STXBP3: variants seen among roughly 807,000 people sequenced by gnomAD.
STXBP3 encodes the protein syntaxin binding protein 3.
In STXBP3, 41 loss-of-function variants were observed where a neutral mutation model predicts 85.7. The ratio of observed to expected loss-of-function variants is 0.48; its 90% CI spans 0.37 to 0.62. The LOEUF (loss-of-function observed/expected upper bound fraction) is 0.62, where lower values mean the gene tolerates loss of function less well. Ranked by LOEUF, STXBP3 falls within the 20% of genes least tolerant of loss-of-function variation. The pLI is 0.00. For synonymous variants in STXBP3, 229 were observed against 231.7 expected (o/e 0.99, Z 0.10); for missense variants, 563 against 703.1 (o/e 0.80, Z 2.25).
intron 11 of STXBP3, among the ~76,000 whole-genome samples, chr1:108,783,337 A>T (rs913121547): frequency 2.0e-5 from 3 of 152,234 alleles, no homozygotes; most frequent in African/African-American, 7.2e-5. Context: ...AAATCAAGAT[A>T]CAGAACATTT....
chr1:108,772,644 A>G, intron 6 of STXBP3, 21 bp from the exon 7 acceptor site: 1 of 1,363,400 alleles, frequency 7.3e-7, no homozygotes, highest in Non-Finnish European at 9.5e-7. Context: ...ATTAACAGTG[A>G]GTTTTTTTGT....
At chr1:108,770,556 G>A (rs1411319852) in intron 6 of STXBP3, among the ~76,000 whole-genome samples, 1 of 152,150 alleles carries the variant, frequency 6.6e-6, no homozygotes, top group Non-Finnish European at 1.5e-5. Context: ...TGTTCAGGCT[G>A]CTGCTGTTGG....
intron 15 of STXBP3, 96 bp from the exon 16 acceptor site, chr1:108,798,049 T>C: frequency 1.9e-6 from 2 of 1,058,006 alleles, no homozygotes; most frequent in South Asian, 3.1e-5. Context: ...CAATATAGTA[T>C]TTACTGGTAA....
chr1:108,772,569 A>G (rs914682925), intron 6 of STXBP3, 96 bp from the exon 7 acceptor site: 2 of 401,198 alleles, frequency 5.0e-6, no homozygotes, highest in African/African-American at 2.2e-5. Flanking sequence ...ATATATATCT[A>G]TATAATATAT....
At chr1:108,779,148 G>A (rs952299288) in intron 8 of STXBP3, 138 bp from the exon 9 acceptor site, 3 of 854,960 alleles carry the variant, frequency 3.5e-6, no homozygotes, top group Non-Finnish European at 5.2e-6. Flanking sequence ...TTAACCATTT[G>A]TTTTGTTCTG....
intron 11 of STXBP3, among the ~76,000 whole-genome samples, chr1:108,784,497 A>C (rs1370556235): frequency 6.6e-6 from 1 of 152,154 alleles, no homozygotes; most frequent in Non-Finnish European, 1.5e-5. Flanking sequence ...AGTTATCTCT[A>C]CCTGGTCCTG....
chr1:108,801,682 G>T (rs1364636685), intron 17 of STXBP3, among the ~76,000 whole-genome samples: 2 of 150,558 alleles, frequency 1.3e-5, no homozygotes, highest in Non-Finnish European at 1.5e-5. Context: ...TTAAATAGAG[G>T]CAAGGCCTCT....
chr1:108,763,755 T>G (rs1013529481), intron 6 of STXBP3, among the ~76,000 whole-genome samples: 4 of 151,186 alleles, frequency 2.6e-5, no homozygotes, highest in African/African-American at 9.7e-5. Flanking sequence ...TTGTATTTTT[T>G]TTTTTTAGTA....
intron 9 of STXBP3, 169 bp downstream of exon 9, chr1:108,779,579 GA>G (rs1488826501): frequency 1.8e-5 from 12 of 680,800 alleles, no homozygotes; most frequent in African/African-American, 1.5e-4. Context: ...AGATAATGTT[GA>G]CCTTGTAAAT....
At chr1:108,775,655 C>G (rs1570760443) in intron 7 of STXBP3, among the ~76,000 whole-genome samples, 1 of 152,120 alleles carries the variant, frequency 6.6e-6, no homozygotes, top group African/African-American at 2.4e-5. Flanking sequence ...TGAGAACATG[C>G]GAAATGTTCT....
chr1:108,807,594 G>A, intron 18 of STXBP3, 45 bp downstream of exon 18: 2 of 903,024 alleles, frequency 2.2e-6, no homozygotes, highest in Admixed American at 3.9e-5. Flanking sequence ...TTTTTTTTTT[G>A]AGACTAAGTC....
At chr1:108,758,262 C>T (rs1662060981) in intron 4 of STXBP3, among the ~76,000 whole-genome samples, 1 of 139,064 alleles carries the variant, frequency 7.2e-6, no homozygotes, top group African/African-American at 2.7e-5. Flanking sequence ...ATACATATTA[C>T]CTTACTCTTT....
chr1:108,804,283 G>C (rs1663286079), intron 17 of STXBP3, among the ~76,000 whole-genome samples: 1 of 152,032 alleles, frequency 6.6e-6, no homozygotes, highest in Non-Finnish European at 1.5e-5. Context: ...CTCTTACACT[G>C]TGTCTCATCT....
chr1:108,753,169 A>G, intron 3 of STXBP3, 25 bp downstream of exon 3: 6 of 1,485,398 alleles, frequency 4.0e-6, no homozygotes, highest in Non-Finnish European at 5.4e-6. Context: ...TGGCATGAAC[A>G]CTTTTTAATT....
intron 11 of STXBP3, among the ~76,000 whole-genome samples, chr1:108,789,378 A>G (rs1662928901): frequency 6.6e-6 from 1 of 152,084 alleles, no homozygotes; most frequent in Non-Finnish European, 1.5e-5. Flanking sequence ...TATGTGGCCC[A>G]AGACAGTTCT....
At chr1:108,782,320 A>C (rs779119113) in intron 9 of STXBP3, 102 bp from the exon 10 acceptor site, 9 of 872,180 alleles carry the variant, frequency 1.0e-5, no homozygotes, top group Non-Finnish European at 1.6e-5. Flanking sequence ...TTTACTTTTC[A>C]GTTTCTTGAG....
chr1:108,786,574 C>T (rs1289740291), intron 11 of STXBP3, among the ~76,000 whole-genome samples: 2 of 152,220 alleles, frequency 1.3e-5, no homozygotes, highest in Non-Finnish European at 2.9e-5. Flanking sequence ...TGCAGTAATG[C>T]ATTTGTTGTG....
At chr1:108,790,270 A>T (rs753684392) in intron 11 of STXBP3, among the ~76,000 whole-genome samples, 1 of 152,174 alleles carries the variant, frequency 6.6e-6, no homozygotes, top group African/African-American at 2.4e-5. Flanking sequence ...TGTTAAGTTC[A>T]TTATACATTT....
intron 1 of STXBP3, 136 bp from the exon 2 acceptor site, chr1:108,752,121 G>A: frequency 1.4e-6 from 1 of 722,868 alleles, no homozygotes; most frequent in Non-Finnish European, 2.3e-6. Flanking sequence ...TTTTCCGTAA[G>A]GTTTAACAAA....
Sources: gnomAD v4.1 joint callset for allele counts (sites outside exome capture counted in the v4.1 genomes callset) on GRCh38, gnomAD v4.1.1 for gene constraint, MANE v1.5 for transcripts, NCBI Gene and HGNC (gene_info 2026-07-23, HGNC 2026-07-21) for gene names.